The following ZNF536 variants were observed in gnomAD, a reference collection of about 807,000 sequenced individuals.
The protein encoded by ZNF536 is zinc finger protein 536.
ZNF536 carries 13 observed loss-of-function variants against 84.5 expected under a neutral mutation model. The ratio of observed to expected loss-of-function variants is 0.15; its 90% CI spans 0.10 to 0.24. ZNF536 has a LOEUF of 0.24. Ranked by LOEUF, ZNF536 falls within the 10% of genes least tolerant of loss-of-function variation. The probability of loss-of-function intolerance (pLI) is 1.00; values close to 1 mark genes in which losing one functional copy is unlikely to be tolerated. For synonymous variants in ZNF536, 811 were observed against 742.5 expected, an observed-to-expected ratio of 1.09 and a Z score of -1.50; for missense variants, 1,536 against 1,747.5, an observed-to-expected ratio of 0.88 and a Z score of 2.16.
intron 1 of ZNF536, among the ~76,000 whole-genome samples, chr19:30,391,420 C>CA (rs2049584483): frequency 6.6e-6 from 1 of 152,006 alleles, no homozygotes; most frequent in Non-Finnish European, 1.5e-5. Context: ...CTACTAAATA[C>CA]AAAAAAATAG....
At chr19:30,671,256 G>A (rs1339676072) in intron 1 of ZNF536, among the ~76,000 whole-genome samples, 2 of 152,246 alleles carry the variant, frequency 1.3e-5, no homozygotes, top group Non-Finnish European at 2.9e-5. Flanking sequence ...AAGGGGTCAT[G>A]TGTCCAGTCT....
At chr19:30,252,182 A>G (rs929147971) in intron 1 of ZNF536, among the ~76,000 whole-genome samples, 1 of 152,256 alleles carries the variant, frequency 6.6e-6, no homozygotes, top group Non-Finnish European at 1.5e-5. Flanking sequence ...TAGCTAACAA[A>G]CTTATGAAAA....
intron 2 of ZNF536, among the ~76,000 whole-genome samples, chr19:30,519,609 C>T (rs943798701): frequency 2.0e-4 from 30 of 152,200 alleles, no homozygotes; most frequent in African/African-American, 7.0e-4. Flanking sequence ...CTCACAGACA[C>T]AGGCCACCTG....
chr19:30,235,275 G>A (rs923382742), intron 1 of ZNF536, among the ~76,000 whole-genome samples: 1 of 152,206 alleles, frequency 6.6e-6, no homozygotes. Context: ...GCGGGCATTG[G>A]AAGCCAGCTG....
intron 2 of ZNF536, among the ~76,000 whole-genome samples, chr19:30,286,627 A>G (rs2145724794): frequency 6.6e-6 from 1 of 152,130 alleles, no homozygotes; most frequent in African/African-American, 2.4e-5. Context: ...AGAGAGAGAA[A>G]TCCTTGTTTT....
chr19:30,587,374 G>A (rs1389351251), intron 1 of ZNF536, among the ~76,000 whole-genome samples: 1 of 152,208 alleles, frequency 6.6e-6, no homozygotes, highest in Non-Finnish European at 1.5e-5. Context: ...ATGATAGAAT[G>A]CATTTTCCCA....
At chr19:30,670,215 C>T (rs2050492634) in intron 1 of ZNF536, among the ~76,000 whole-genome samples, 1 of 152,222 alleles carries the variant, frequency 6.6e-6, no homozygotes, top group Admixed American at 6.5e-5. Context: ...CCGCCCATCC[C>T]TAGGGCCCAG....
intron 2 of ZNF536, among the ~76,000 whole-genome samples, chr19:30,306,220 G>T (rs2046340440): frequency 7.5e-6 from 1 of 133,426 alleles, no homozygotes; most frequent in Non-Finnish European, 1.5e-5. Context: ...GTAAAGAGAT[G>T]CTTGTTTACA....
chr19:30,637,533 T>C (rs1225634930), intron 1 of ZNF536, among the ~76,000 whole-genome samples: 2 of 152,248 alleles, frequency 1.3e-5, no homozygotes, highest in Non-Finnish European at 2.9e-5. Flanking sequence ...AGGACACTTG[T>C]TGGCCAGTCT....
intron 2 of ZNF536, among the ~76,000 whole-genome samples, chr19:30,515,034 T>C (rs998407884): frequency 6.6e-6 from 1 of 152,032 alleles, no homozygotes; most frequent in African/African-American, 2.4e-5. Flanking sequence ...GATCATTTGA[T>C]GAGCCCAGGC....
chr19:30,383,868 T>C (rs1471916591), intron 1 of ZNF536, among the ~76,000 whole-genome samples: 2 of 95,802 alleles, frequency 2.1e-5, no homozygotes, highest in African/African-American at 4.1e-5. Context: ...CCTTCCTTCC[T>C]TCCTCCCCCC....
intron 1 of ZNF536, among the ~76,000 whole-genome samples, chr19:30,409,497 A>C (rs1331980892): frequency 6.6e-6 from 1 of 152,192 alleles, no homozygotes; most frequent in Non-Finnish European, 1.5e-5. Context: ...AGGGCAATCT[A>C]GGTGTACTTT....
chr19:30,267,553 T>C (rs2025578783), intron 1 of ZNF536, among the ~76,000 whole-genome samples: 2 of 152,124 alleles, frequency 1.3e-5, no homozygotes, highest in African/African-American at 2.4e-5. Flanking sequence ...TGTCCATCTT[T>C]GCATCCCCTG....
At chr19:30,368,832 C>A (rs1021287024), upstream of ZNF536, among the ~76,000 whole-genome samples, 1 of 152,192 alleles carries the variant, frequency 6.6e-6, no homozygotes, top group Non-Finnish European at 1.5e-5. Context: ...TCAGCTGCTC[C>A]GCTTGCTTGG....
chr19:30,546,593 C>T (rs2045567130), intron 3 of ZNF536, among the ~76,000 whole-genome samples: 1 of 152,212 alleles, frequency 6.6e-6, no homozygotes, highest in South Asian at 2.1e-4. Flanking sequence ...AACTGGGACT[C>T]ATGCCTTCCG....
At chr19:30,553,021 G>T (rs2045839275) in intron 4 of ZNF536, among the ~76,000 whole-genome samples, 1 of 152,144 alleles carries the variant, frequency 6.6e-6, no homozygotes, top group Non-Finnish European at 1.5e-5. Flanking sequence ...TTAGTTTCTT[G>T]AGGTGACTTC....
intron 2 of ZNF536, among the ~76,000 whole-genome samples, chr19:30,514,250 G>C (rs1021705200): frequency 6.6e-6 from 1 of 152,094 alleles, no homozygotes; most frequent in Non-Finnish European, 1.5e-5. Context: ...CCAACTGGGT[G>C]GTTAGGGAGA....
At chr19:30,422,985 ACATCCATCCATC>A (rs548956056) in intron 1 of ZNF536, among the ~76,000 whole-genome samples, 1 of 52,170 alleles carries the variant, frequency 1.9e-5, no homozygotes, top group Non-Finnish European at 3.6e-5. Context: ...ATCCAACCAA[ACATCCATCCATC>A]CATCCATCCA....
intron 2 of ZNF536, among the ~76,000 whole-genome samples, chr19:30,451,064 G>T (rs1442753381): frequency 2.0e-5 from 3 of 152,270 alleles, no homozygotes; most frequent in African/African-American, 7.2e-5. Flanking sequence ...CCAGGCGGAC[G>T]CCGGCCAAGG....
Sources: allele counts gnomAD v4.1 joint callset (sites outside exome capture counted in the v4.1 genomes callset), GRCh38; gene constraint gnomAD v4.1.1; transcripts MANE v1.5; gene names NCBI Gene and HGNC (gene_info 2026-07-23, HGNC 2026-07-21).